TBP: variants seen among roughly 807,000 people sequenced by gnomAD.
The protein encoded by TBP is TATA-box binding protein.
In TBP, 12 loss-of-function variants were observed where a neutral mutation model predicts 46.2. The observed-to-expected ratio is 0.26, with a 90% CI of 0.17 to 0.42. The LOEUF is 0.42. Among genes scored for constraint, TBP ranks in the 10% least tolerant of loss-of-function variants. TBP has a pLI of 1.00. For missense variants in TBP, 229 were observed against 403.1 expected (o/e 0.57, Z 3.70); for synonymous variants, 157 against 148.3 (o/e 1.06, Z -0.42).
In TBP at chr6:170,561,946, G is replaced by GCAA. The variant is rs750367805; in HGVS notation, c.212_213insACA (p.Gln95dup). On this transcript the variant is annotated inframe_insertion, in exon 3 of 8. Coordinates refer to ENST00000392092, the MANE Select transcript of TBP (RefSeq NM_003194.5). ...AACAACAGCAGCAGCAGCAGCAGCAGCAGCAACAGCAACAGCAGCAGCAGC... is the reference window on the plus strand; with the variant it reads ...AACAACAGCAGCAGCAGCAGCAGCAGCAACAGCAACAGCAACAGCAGCAGCAGC... 62 of 1,571,004 alleles carry GCAA rather than the reference G, an allele frequency of 3.9e-5. No homozygotes were observed. The East Asian group carries it at 8.2e-4, about 21-fold the overall frequency.
At chr6:170,556,529 T>TAC (rs1779032511) in intron 1 of TBP, among the ~76,000 whole-genome samples, 1 of 152,246 alleles carries the variant, frequency 6.6e-6, no homozygotes, top group Admixed American at 6.5e-5. Context: ...GTGCTGTGTA[T>TAC]ACAGTGCTTA....
At chr6:170,566,553 C>T (rs200369646) in intron 4 of TBP, among the ~76,000 whole-genome samples, 1 of 151,698 alleles carries the variant, frequency 6.6e-6, no homozygotes, top group Non-Finnish European at 1.5e-5. Flanking sequence ...CAAAATGTAT[C>T]AGAGAAGCTA....
At chr6:170,570,409 A>G (rs192254913) in intron 6 of TBP, among the ~76,000 whole-genome samples, 9 of 152,284 alleles carry the variant, frequency 5.9e-5, no homozygotes, top group African/African-American at 2.2e-4. Flanking sequence ...TGAGTTCCAT[A>G]TGTCTACCCA....
In TBP at chr6:170,572,417, C is replaced by T; in HGVS notation, c.*152C>T. Reference sequence around the variant, plus strand: ...CAGGTGATGCCCTTCTGTAAGTGCCCACCGCGGGATGCCGGGAAGGGGCAT... The same window carrying T: ...CAGGTGATGCCCTTCTGTAAGTGCCTACCGCGGGATGCCGGGAAGGGGCAT... On this transcript the variant is annotated 3_prime_UTR_variant, in exon 8 of 8. Transcript: ENST00000392092. 2 of 663,368 alleles carry T rather than the reference C, an allele frequency of 3.0e-6. No individual in the cohort carries two copies. The highest frequency in any genetic ancestry group is 3.7e-5 in the South Asian group (2 of 53,654). The allele number at this position is 663,368 out of a possible 1,614,324, so 41.1% of individuals were successfully genotyped here.
chr6:170,556,519 G>C (rs1779032360), intron 1 of TBP, among the ~76,000 whole-genome samples: 1 of 152,194 alleles, frequency 6.6e-6, no homozygotes, highest in Non-Finnish European at 1.5e-5. Flanking sequence ...TTGCCTAACA[G>C]TGCTGTGTAT....
At chr6:170,559,619 C>T (rs1779103686) in intron 2 of TBP, among the ~76,000 whole-genome samples, 1 of 152,174 alleles carries the variant, frequency 6.6e-6, no homozygotes. Context: ...TTATTCAGAG[C>T]TTTAAGGAGA....
rs1779025343 is a variant in TBP at position 170,556,257 on chromosome 6, G to A, written c.-148-625G>A. Among the ~76,000 whole-genome samples, 3 of 152,140 alleles carry A rather than the reference G, an allele frequency of 2.0e-5. No individual in the cohort carries two copies. The South Asian group carries it at 6.2e-4, about 31-fold the overall frequency. On this transcript the variant is annotated intron_variant, in intron 1 of 7. Coordinates refer to ENST00000392092, the MANE Select transcript of TBP (RefSeq NM_003194.5). ...ATTTCAGATGTGTAGTGAGTAAAGC[G>A]ATGATGATTTAAGAAAAGTCAGATA...
intron 2 of TBP, among the ~76,000 whole-genome samples, chr6:170,560,863 T>A (rs923381331): frequency 1.7e-4 from 26 of 152,240 alleles, no homozygotes; most frequent in Admixed American, 6.5e-5. Flanking sequence ...TGACTCCTGG[T>A]GAAGAACTGA....
intron 4 of TBP, 24 bp downstream of exon 4, chr6:170,564,656 C>CTTT: frequency 1.4e-6 from 2 of 1,426,992 alleles, no homozygotes; most frequent in African/African-American, 1.5e-5. Context: ...TAATGTATTT[C>CTTT]TTTTTTTTTT....
intron 6 of TBP, among the ~76,000 whole-genome samples, chr6:170,570,456 G>A (rs1436696224): frequency 1.3e-5 from 2 of 152,092 alleles, no homozygotes; most frequent in Non-Finnish European, 2.9e-5. Context: ...CCTGAATTTT[G>A]TCTTAGGTCA....
intron 7 of TBP, 128 bp downstream of exon 7, chr6:170,571,632 A>G: frequency 1.4e-6 from 1 of 702,418 alleles, no homozygotes; most frequent in South Asian, 1.8e-5. Flanking sequence ...CCTCCCACCC[A>G]AAGTCTGATG....
rs1218192424 is a variant in TBP, at chr6:170,562,194, C to T, written c.458C>T (p.Thr153Met). ...MTPMTPITPA[T>M]PASESSGIVP... ...CCCATGACCCCCATCACTCCTGCCA[C>T]GCCAGCTTCGGAGAGTTCTGGGATT... The change falls in exon 3 of 8, where the codon ACG becomes ATG. Residue 153 changes from threonine (T) to methionine (M), a missense_variant. Thr to Met is a moderately conservative substitution (Grantham distance 81). Around this residue, in one of 4 missense-constraint regions of TBP, gnomAD observed 67 missense variants for 188.2 expected, o/e 0.36. Coordinates refer to ENST00000392092, the MANE Select transcript of TBP (RefSeq NM_003194.5). 17 of 1,614,186 alleles carry T rather than the reference C, an allele frequency of 1.1e-5. No homozygotes were observed. The highest frequency in any genetic ancestry group is 1.4e-5 in the Non-Finnish European group (17 of 1,180,034).
intron 3 of TBP, among the ~76,000 whole-genome samples, chr6:170,562,887 C>A (rs981285115): frequency 6.6e-6 from 1 of 152,160 alleles, no homozygotes; most frequent in Non-Finnish European, 1.5e-5. Flanking sequence ...AGGTTACTTG[C>A]AGTCTCTGCA....
chr6:170,561,968 C>A lies in TBP; in HGVS notation c.232C>A (p.Gln78Lys), dbSNP rs1198340310. 9.5e-7 allele frequency: 1 copy of A among 1,057,178 alleles called. No individual in the cohort carries two copies. The highest frequency in any genetic ancestry group is 1.2e-6 in the Non-Finnish European group (1 of 818,280). 65.5% of individuals were successfully genotyped at this position (1,057,178 alleles called of 1,614,324 possible). A position where few individuals can be genotyped will look rare whatever the true frequency, so the allele number is the denominator to read the frequency against. Residue 78 changes from glutamine (Q) to lysine (K), a missense_variant, in exon 3 of 8, where the codon CAG becomes AAG. Gln to Lys is a moderately conservative substitution (Grantham distance 53). Transcript: ENST00000392092. ...QQQQQQQQQQ[Q>K]QQQQQQQQQQ... Reference sequence around the variant, plus strand: ...GCAGCAGCAACAGCAACAGCAGCAGCAGCAGCAGCAGCAGCAGCAGCAGCA... The same window carrying A: ...GCAGCAGCAACAGCAACAGCAGCAGAAGCAGCAGCAGCAGCAGCAGCAGCA...
intron 5 of TBP, among the ~76,000 whole-genome samples, chr6:170,568,462 GT>G (rs1779306764): frequency 1.3e-5 from 2 of 151,836 alleles, no homozygotes; most frequent in Admixed American, 6.6e-5. Flanking sequence ...TTTTGTTGTT[GT>G]TGTTGTTTTT....
rs71010672 is a variant in TBP at position 170,561,951 on chromosome 6, A to AGC, written c.215_216insGC (p.Gln73HisfsTer72). The AGC allele has an allele frequency of 0.016, 2,478 of 150,950 alleles. 28 individuals carry two copies. Among genetic ancestry groups the AGC allele is most frequent in the African/African-American group, 0.024 (58 of 2,466 alleles). 9.4% of individuals were successfully genotyped at this position (150,950 alleles called of 1,614,324 possible). A position where few individuals can be genotyped will look rare whatever the true frequency, so the allele number is the denominator to read the frequency against. ...CAGCAGCAGCAGCAGCAGCAGCAGC[A>AGC]ACAGCAACAGCAGCAGCAGCAGCAG... On this transcript the variant is annotated frameshift_variant, in exon 3 of 8. Transcript: ENST00000392092. LOFTEE classifies it high-confidence loss of function.
intron 1 of TBP, among the ~76,000 whole-genome samples, chr6:170,556,137 A>G (rs1458845880): frequency 1.3e-5 from 2 of 152,198 alleles, no homozygotes; most frequent in Admixed American, 6.5e-5. Flanking sequence ...GTACCAGCAC[A>G]TGCTTGAAGT....
chr6:170,563,547 T>C (rs2114996239), intron 3 of TBP, among the ~76,000 whole-genome samples: 1 of 152,364 alleles, frequency 6.6e-6, no homozygotes, highest in East Asian at 1.9e-4. Flanking sequence ...CAGGTGTGTA[T>C]ACAAGGGTGA....
In TBP at chr6:170,561,784, T is replaced by C; in HGVS notation, c.55-7T>C. On this transcript the variant is annotated splice_region_variant and splice_polypyrimidine_tract_variant and intron_variant, in intron 2 of 7. Transcript: ENST00000392092. ...GCCTAACCTGTTTTTCTCCTTGCTT[T>C]CCACAGGGTGCCATGACTCCCGGAA... 6.2e-7 allele frequency: 1 copy of C among 1,604,902 alleles called. No individual in the cohort carries two copies. The highest frequency in any genetic ancestry group is 1.3e-5 in the African/African-American group (1 of 74,752).
Sources: gnomAD v4.1 joint callset for allele counts (sites outside exome capture counted in the v4.1 genomes callset) on GRCh38, gnomAD v4.1.1 for gene constraint, gnomAD v4.1.1 regional missense constraint, MANE v1.5 for transcripts, NCBI Gene and HGNC (gene_info 2026-07-23, HGNC 2026-07-21) for gene names.